Variants in TMEM63C observed in about 807,000 individuals in gnomAD.
TMEM63C encodes the protein osmosensitive cation channel TMEM63C.
Under a neutral mutation model 99.2 loss-of-function variants are expected in TMEM63C, and 32 were observed. The ratio of observed to expected loss-of-function variants is 0.32; its 90% CI spans 0.24 to 0.43. The LOEUF (loss-of-function observed/expected upper bound fraction) is 0.43, where lower values mean the gene tolerates loss of function less well. Ranked by LOEUF, TMEM63C falls within the 20% of genes least tolerant of loss-of-function variation. The pLI is 1.00. For synonymous variants in TMEM63C, 376 were observed against 397.9 expected (o/e 0.94, Z 0.66); for missense variants, 826 against 1,053.0 (o/e 0.78, Z 2.98).
At chr14:77,248,543 A>C in intron 19 of TMEM63C, 34 bp downstream of exon 19, 1 of 1,562,112 alleles carries the variant, frequency 6.4e-7, no homozygotes, top group Non-Finnish European at 8.7e-7. Flanking sequence ...CACAGCCCTC[A>C]GTTTCCTTTG....
chr14:77,186,232 C>A (rs992720676), intron 1 of TMEM63C, among the ~76,000 whole-genome samples: 2 of 152,122 alleles, frequency 1.3e-5, no homozygotes, highest in Non-Finnish European at 2.9e-5. Context: ...AGGCTAGTCT[C>A]AAACTCCTGA....
chr14:77,229,396 AAAAC>A (rs573913559), intron 6 of TMEM63C, among the ~76,000 whole-genome samples: 11 of 152,158 alleles, frequency 7.2e-5, no homozygotes, highest in Non-Finnish European at 1.5e-4. Context: ...ACTCTGTCTC[AAAAC>A]AAACAAACAA....
intron 6 of TMEM63C, among the ~76,000 whole-genome samples, chr14:77,226,489 G>T (rs1555348063): frequency 6.6e-6 from 1 of 152,226 alleles, no homozygotes; most frequent in Admixed American, 6.5e-5. Flanking sequence ...GAATGGGAGG[G>T]TTATAATTGC....
In TMEM63C at chr14:77,231,747, T is replaced by C. The variant is rs1888947413; in HGVS notation, c.493+17T>C. On this transcript the variant is annotated intron_variant, in intron 7 of 23. Transcript: ENST00000298351. ...CTGTTCTGGGTAGGCAAAGCTCAGC[T>C]GGCCCTGGGGCAGCAGCTGGACCTG... 1 of 1,551,384 alleles carries C rather than the reference T, an allele frequency of 6.4e-7. No homozygotes were observed. Among genetic ancestry groups the C allele is most frequent in the Non-Finnish European group, 8.7e-7 (1 of 1,146,956 alleles).
chr14:77,252,828 C>T (rs547750596), intron 22 of TMEM63C, among the ~76,000 whole-genome samples: 1 of 152,342 alleles, frequency 6.6e-6, no homozygotes, highest in East Asian at 1.9e-4. Flanking sequence ...GAACACCACA[C>T]TAGTGAAGGG....
Position 77,253,164 on chromosome 14 carries a change from A to G in TMEM63C, c.2149-141A>G, listed in dbSNP as rs1054144726. On this transcript the variant is annotated intron_variant, in intron 22 of 23. Coordinates refer to ENST00000298351, the MANE Select transcript of TMEM63C (RefSeq NM_020431.4). ...TGTCCCCCTGGGTCTCAGTCTTGCC[A>G]GGCTGAAGGTCTGGAAAGACAGAAG... 5 of 740,700 alleles carry G rather than the reference A, an allele frequency of 6.8e-6. No individual in the cohort carries two copies. The African/African-American group carries it at 6.9e-5, about 10-fold the overall frequency. 45.9% of individuals were successfully genotyped at this position (740,700 alleles called of 1,614,324 possible). A position where few individuals can be genotyped will look rare whatever the true frequency, so the allele number is the denominator to read the frequency against.
intron 2 of TMEM63C, 116 bp from the exon 3 acceptor site, chr14:77,218,684 GT>G: frequency 1.0e-6 from 1 of 995,608 alleles, no homozygotes; most frequent in Non-Finnish European, 1.5e-6. Flanking sequence ...TGGGTCTGAA[GT>G]GGCCTAGCCT....
intron 6 of TMEM63C, among the ~76,000 whole-genome samples, chr14:77,230,325 C>T (rs1369299127): frequency 1.3e-5 from 2 of 152,188 alleles, no homozygotes; most frequent in Non-Finnish European, 2.9e-5. Flanking sequence ...ACCTTCATCC[C>T]CATCCCATTC....
Position 77,220,141 on chromosome 14 carries a change from C to T in TMEM63C, c.312+54C>T, listed in dbSNP as rs372833157. 7.2e-5 allele frequency: 107 copies of T among 1,493,928 alleles called. No homozygotes were observed. The African/African-American group carries it at 9.5e-4, about 13-fold the overall frequency. The allele number at this position is 1,493,928 out of a possible 1,614,324, so 92.5% of individuals were successfully genotyped here. A position where few individuals can be genotyped will look rare whatever the true frequency, so the allele number is the denominator to read the frequency against. ...GGAGTCCCAGCACTGGGCAGGCAGG[C>T]GTGGTGTGCACAGGAAGAAACACGG... On this transcript the variant is annotated intron_variant, in intron 5 of 23. Transcript: ENST00000298351.
intron 1 of TMEM63C, among the ~76,000 whole-genome samples, chr14:77,184,012 C>T (rs2140084896): frequency 6.6e-6 from 1 of 152,312 alleles, no homozygotes; most frequent in South Asian, 2.1e-4. Flanking sequence ...GGCAGGCACT[C>T]TGCCCTCAGC....
chr14:77,217,963 G>C (rs998785479), intron 2 of TMEM63C, among the ~76,000 whole-genome samples: 11 of 152,178 alleles, frequency 7.2e-5, no homozygotes, highest in African/African-American at 2.7e-4. Context: ...GTGGTGGGGA[G>C]TGGGGATGCT....
intron 1 of TMEM63C, among the ~76,000 whole-genome samples, chr14:77,198,481 C>T (rs1212535532): frequency 2.0e-5 from 3 of 152,166 alleles, no homozygotes; most frequent in African/African-American, 4.8e-5. Flanking sequence ...ACACCTGCTT[C>T]GTAGAGTCAG....
At chr14:77,222,816 A>G (rs1186418451) in intron 5 of TMEM63C, among the ~76,000 whole-genome samples, 1 of 152,190 alleles carries the variant, frequency 6.6e-6, no homozygotes, top group Non-Finnish European at 1.5e-5. Context: ...CTCTTGTTAT[A>G]TAGCCACAGA....
chr14:77,251,845 A>G lies in TMEM63C; in HGVS notation c.2095A>G (p.Ile699Val). Residue 699 changes from isoleucine to valine, a missense_variant, in exon 22 of 24, where the codon ATT becomes GTT. By Grantham distance (29) the Ile-to-Val change is conservative. Transcript: ENST00000298351. ...GTCCACCCTCCTCATTGCCATGGTG[A>G]TTGCCTTTGTTGGCATTTTTCTGGG... The part of the protein sequence containing the change: ...SLSTLLIAMV[I>V]AFVGIFLGKL... The G allele has an allele frequency of 6.2e-7, 1 of 1,613,920 alleles. No homozygotes were observed. The highest frequency in any genetic ancestry group is 8.5e-7 in the Non-Finnish European group (1 of 1,179,884).
chr14:77,234,955 A>G (rs1594863793), intron 8 of TMEM63C, among the ~76,000 whole-genome samples: 1 of 152,214 alleles, frequency 6.6e-6, no homozygotes, highest in East Asian at 1.9e-4. Context: ...GTACTTCAGC[A>G]GCTCTGGGCT....
intron 1 of TMEM63C, among the ~76,000 whole-genome samples, chr14:77,185,516 C>T (rs1469740228): frequency 3.3e-5 from 5 of 152,196 alleles, no homozygotes; most frequent in African/African-American, 9.7e-5. Context: ...ACCCTAAGGT[C>T]TTTGGAGAGA....
At chr14:77,197,155 A>G (rs1411106954) in intron 1 of TMEM63C, among the ~76,000 whole-genome samples, 2 of 152,264 alleles carry the variant, frequency 1.3e-5, no homozygotes, top group Non-Finnish European at 2.9e-5. Context: ...AGATTTCTCT[A>G]TTTGAGAGTG....
At chr14:77,231,806 T>C in intron 7 of TMEM63C, 76 bp downstream of exon 7, 2 of 1,499,780 alleles carry the variant, frequency 1.3e-6, no homozygotes, top group Non-Finnish European at 1.8e-6. Flanking sequence ...AGGGCTGGGG[T>C]TGAGGGTCTA....
chr14:77,242,272 C>A (rs1889190534), intron 13 of TMEM63C, 75 bp from the exon 14 acceptor site: 2 of 1,552,030 alleles, frequency 1.3e-6, no homozygotes, highest in African/African-American at 2.7e-5. Flanking sequence ...GCCCTGAGCT[C>A]CTGGCATGAG....
Sources: allele counts gnomAD v4.1 joint callset (sites outside exome capture counted in the v4.1 genomes callset), GRCh38; gene constraint gnomAD v4.1.1; transcripts MANE v1.5; gene names NCBI Gene and HGNC (gene_info 2026-07-23, HGNC 2026-07-21).